Variants in MORC1 observed in about 807,000 individuals in gnomAD.
MORC1 encodes the protein MORC family CW-type zinc finger 1.
MORC1 carries 59 observed loss-of-function variants against 134.9 expected under a neutral mutation model. The ratio of observed to expected loss-of-function variants is 0.44; its 90% CI spans 0.35 to 0.54. The LOEUF (loss-of-function observed/expected upper bound fraction) is 0.54. MORC1 is among the 20% of genes least tolerant of loss of function. The pLI is 0.00. For missense variants in MORC1, 947 were observed against 1,134.5 expected (o/e 0.83, Z 2.37); for synonymous variants, 395 against 391.7 (o/e 1.01, Z -0.10).
chr3:108,983,296 A>G (rs1483624566), intron 23 of MORC1, among the ~76,000 whole-genome samples: 1 of 152,234 alleles, frequency 6.6e-6, no homozygotes, highest in East Asian at 1.9e-4. Flanking sequence ...TCAGAGACAC[A>G]GGGATAAGCA....
chr3:109,054,713 C>T lies in MORC1; in HGVS notation c.1330+15G>A. ...CCTCTGTAAGTATCTCCTACTATGA[C>T]TATTGAATACTCACTGATGCCGGTG... is the stretch of plus-strand genomic sequence containing the variant. On this transcript the variant is annotated intron_variant, in intron 14 of 27. Transcript: ENST00000232603. The T allele has an allele frequency of 6.6e-7, 1 of 1,511,440 alleles. No individual in the cohort carries two copies. Among genetic ancestry groups the T allele is most frequent in the Non-Finnish European group, 8.8e-7 (1 of 1,137,712 alleles). The allele number at this position is 1,511,440 out of a possible 1,614,324, so 93.6% of individuals were successfully genotyped here. A position where few individuals can be genotyped will look rare whatever the true frequency, so the allele number is the denominator to read the frequency against.
At chr3:108,995,813 C>T (rs1018114600) in intron 21 of MORC1, among the ~76,000 whole-genome samples, 3 of 152,176 alleles carry the variant, frequency 2.0e-5, no homozygotes, top group African/African-American at 4.8e-5. Context: ...TGATTCAAGA[C>T]ACTTGGCTGG....
intron 8 of MORC1, 36 bp downstream of exon 8, chr3:109,093,400 C>T: frequency 6.6e-7 from 1 of 1,525,398 alleles, no homozygotes; most frequent in South Asian, 1.1e-5. Context: ...AGCTCACCAC[C>T]ATTGTTGAAA....
At chr3:109,036,214 G>A (rs34315120) in intron 14 of MORC1, among the ~76,000 whole-genome samples, 19,514 of 152,062 alleles carry the variant, frequency 0.13, 1,348 homozygotes, top group Non-Finnish European at 0.15. Context: ...CCTTTAAAAC[G>A]GAGGAAGTAG....
At chr3:108,977,104 A>G (rs1947584860) in intron 24 of MORC1, among the ~76,000 whole-genome samples, 1 of 152,166 alleles carries the variant, frequency 6.6e-6, no homozygotes, top group South Asian at 2.1e-4. Context: ...GTGTGAAGAG[A>G]GGGTATATGC....
intron 25 of MORC1, among the ~76,000 whole-genome samples, chr3:108,970,347 T>C (rs1440051750): frequency 1.3e-5 from 2 of 152,086 alleles, no homozygotes; most frequent in Non-Finnish European, 2.9e-5. Flanking sequence ...AAGAAGGTGC[T>C]TCAAGAAGGT....
At chr3:109,106,409 T>A (rs974975041) in intron 3 of MORC1, among the ~76,000 whole-genome samples, 4 of 152,150 alleles carry the variant, frequency 2.6e-5, no homozygotes, top group African/African-American at 9.7e-5. Flanking sequence ...GACAAATAAG[T>A]ATAGCCTCAA....
At chr3:109,012,541 C>G (rs568681193) in intron 17 of MORC1, among the ~76,000 whole-genome samples, 3 of 152,258 alleles carry the variant, frequency 2.0e-5, no homozygotes, top group Admixed American at 2.0e-4. Context: ...ACTCTTCAAA[C>G]TCATGACATG....
intron 8 of MORC1, among the ~76,000 whole-genome samples, chr3:109,073,850 G>GT (rs1559937247): frequency 3.9e-5 from 6 of 152,066 alleles, no homozygotes. Flanking sequence ...TTTGAAGGGG[G>GT]TAACCAAATT....
chr3:109,048,710 T>C (rs1949751726), intron 14 of MORC1, among the ~76,000 whole-genome samples: 1 of 152,182 alleles, frequency 6.6e-6, no homozygotes, highest in Non-Finnish European at 1.5e-5. Context: ...GATGGTCACC[T>C]TCTCCCTGTG....
Position 109,089,328 on chromosome 3 carries a change from T to C in MORC1, c.689+4108A>G, listed in dbSNP as rs1443832256. ...TATCCACATAAAGAGGTCTATGTCC[T>C]ATGAATGAAATAAGATCTCTATGTA... On this transcript the variant is annotated intron_variant, in intron 8 of 27. Coordinates refer to ENST00000232603, the MANE Select transcript of MORC1 (RefSeq NM_014429.4). 2.0e-5 allele frequency among the ~76,000 whole-genome samples: 3 copies of C among 152,134 alleles called. No individual in the cohort carries two copies. The East Asian group carries it at 5.8e-4, about 29-fold the overall frequency.
chr3:108,969,103 T>C (rs1193281904), intron 26 of MORC1, among the ~76,000 whole-genome samples: 1 of 151,908 alleles, frequency 6.6e-6, no homozygotes, highest in Non-Finnish European at 1.5e-5. Context: ...ATTTGATAAC[T>C]GTTAAAAAAA....
At chr3:108,982,583 T>TTG (rs541682699) in intron 23 of MORC1, among the ~76,000 whole-genome samples, 6 of 126,448 alleles carry the variant, frequency 4.7e-5, no homozygotes, top group South Asian at 2.7e-4. Flanking sequence ...TGTCGTGGGA[T>TTG]GGGGGGGGCA....
chr3:109,061,345 G>A (rs1950079204), intron 11 of MORC1, among the ~76,000 whole-genome samples: 1 of 152,068 alleles, frequency 6.6e-6, no homozygotes, highest in African/African-American at 2.4e-5. Context: ...ATGTCTTGTA[G>A]CAATATTCTT....
chr3:109,001,906 C>T (rs755738602), intron 20 of MORC1, among the ~76,000 whole-genome samples: 28 of 152,202 alleles, frequency 1.8e-4, no homozygotes, highest in Non-Finnish European at 3.4e-4. Flanking sequence ...TCCACAAGCC[C>T]AGTCACCTTC....
At chr3:108,992,454 A>C (rs1948090384) in intron 21 of MORC1, among the ~76,000 whole-genome samples, 1 of 152,068 alleles carries the variant, frequency 6.6e-6, no homozygotes, top group Admixed American at 6.6e-5. Flanking sequence ...CAGTTTATTT[A>C]CTCTTACTAC....
intron 7 of MORC1, among the ~76,000 whole-genome samples, chr3:109,093,761 CTTA>C (rs1341903413): frequency 6.6e-6 from 1 of 152,164 alleles, no homozygotes; most frequent in East Asian, 1.9e-4. Flanking sequence ...TATGGTGCCT[CTTA>C]TTATAATTCA....
intron 9 of MORC1, among the ~76,000 whole-genome samples, chr3:109,066,576 G>A (rs1340036400): frequency 2.0e-5 from 3 of 152,162 alleles, no homozygotes; most frequent in Non-Finnish European, 4.4e-5. Flanking sequence ...GTGAGCCACT[G>A]CACCCAGCCC....
chr3:108,973,302 G>C (rs1394621790), intron 24 of MORC1, among the ~76,000 whole-genome samples: 1 of 152,130 alleles, frequency 6.6e-6, no homozygotes, highest in Non-Finnish European at 1.5e-5. Flanking sequence ...ATAGAGACAA[G>C]AAAGCAAGCT....
Sources: allele counts gnomAD v4.1 joint callset (sites outside exome capture counted in the v4.1 genomes callset), GRCh38; gene constraint gnomAD v4.1.1; transcripts MANE v1.5; gene names NCBI Gene and HGNC (gene_info 2026-07-23, HGNC 2026-07-21).